MACROH2A1: variants seen among roughly 807,000 people sequenced by gnomAD.
MACROH2A1 encodes core histone macro-H2A.1.
MACROH2A1 carries 2 observed loss-of-function variants against 31.6 expected under a neutral mutation model. The observed-to-expected ratio is 0.06, with a 90% CI of 0.03 to 0.20. The LOEUF (loss-of-function observed/expected upper bound fraction) is 0.20. Ranked by LOEUF, MACROH2A1 falls within the 10% of genes least tolerant of loss-of-function variation. The pLI, the probability that MACROH2A1 is intolerant of heterozygous loss-of-function variation, is 1.00. For missense variants in MACROH2A1, 230 were observed against 474.0 expected (o/e 0.49, Z 4.78); for synonymous variants, 169 against 189.6 (o/e 0.89, Z 0.89).
Position 135,366,984 on chromosome 5 carries a change from CA to C in MACROH2A1, c.477+2421del, listed in dbSNP as rs1351767230. Among the ~76,000 whole-genome samples the C allele has an allele frequency of 2.6e-5, 4 of 152,190 alleles. No individual in the cohort carries two copies. In the South Asian group the frequency reaches 8.3e-4, roughly 32 times the overall value. On this transcript the variant is annotated intron_variant, in intron 4 of 8. Coordinates refer to ENST00000511689, the MANE Select transcript of MACROH2A1 (RefSeq NM_138610.3). ...TTGCCTTCTCCAACCATTTCCACTA[CA>C]GCTGACTCAGCTGTCACAATTGGAG...
intron 1 of MACROH2A1, among the ~76,000 whole-genome samples, chr5:135,390,875 G>A (rs1767135966): frequency 1.3e-5 from 2 of 152,190 alleles, no homozygotes; most frequent in African/African-American, 2.4e-5. Flanking sequence ...CAGAATTCTG[G>A]GCACTCTGGG....
At chr5:135,370,280 CAG>C (rs1361777179) in intron 2 of MACROH2A1, 138 bp from the exon 3 acceptor site, 50 of 579,898 alleles carry the variant, frequency 8.6e-5, no homozygotes, top group South Asian at 5.3e-4. Context: ...AAGCTGTGGG[CAG>C]AGTCACAGAG....
chr5:135,371,667 A>G (rs891876814), intron 2 of MACROH2A1, among the ~76,000 whole-genome samples: 4 of 152,140 alleles, frequency 2.6e-5, no homozygotes, highest in African/African-American at 9.7e-5. Flanking sequence ...TTTCTTAGTG[A>G]GGCATACGGA....
Position 135,358,762 on chromosome 5 carries a change from C to T in MACROH2A1, c.588+1735G>A, listed in dbSNP as rs150788060. 8.0e-4 allele frequency: 774 copies of T among 971,546 alleles called. 6 individuals are homozygous for T. In the African/African-American group the frequency reaches 0.013, roughly 16 times the overall value. The allele number at this position is 971,546 out of a possible 1,614,324, so 60.2% of individuals were successfully genotyped here. On this transcript the variant is annotated intron_variant, in intron 5 of 8. Transcript: ENST00000511689. The stretch of plus-strand genomic sequence containing the variant: ...TTTCTATGGCTTTTTGTATCCTCAC[C>T]CTACCAACTCTGAGTAGGGAACAGT...
Position 135,345,986 on chromosome 5 carries a change from G to C in MACROH2A1, c.760C>G (p.Pro254Ala), listed in dbSNP as rs1007766259. ...AVLELRKKNG[P>A]LEVAGAAVSA... is the part of the protein sequence containing the mutation. ...ACCTCACCTCCAGCTACTTCCAAGG[G>C]CCCGTTCTTTTTCCGGAGTTCCAGG... is the stretch of plus-strand genomic sequence containing the variant. The change falls in exon 7 of 9, where the codon CCC becomes GCC. Residue 254 changes from proline (P) to alanine (A), a missense_variant. By Grantham distance (27) the Pro-to-Ala change is conservative. Coordinates refer to ENST00000511689, the MANE Select transcript of MACROH2A1 (RefSeq NM_138610.3). 6.2e-7 allele frequency: 1 copy of C among 1,612,324 alleles called. No individual in the cohort carries two copies. Among genetic ancestry groups the C allele is most frequent in the Non-Finnish European group, 8.5e-7 (1 of 1,178,368 alleles).
chr5:135,373,896 C>A (rs1764510718), intron 2 of MACROH2A1, among the ~76,000 whole-genome samples: 3 of 152,158 alleles, frequency 2.0e-5, no homozygotes, highest in Admixed American at 2.0e-4. Context: ...TAAGCAAGAG[C>A]TTTATCTTCT....
intron 2 of MACROH2A1, among the ~76,000 whole-genome samples, chr5:135,375,365 G>GCCTT (rs1764721273): frequency 6.6e-6 from 1 of 152,196 alleles, no homozygotes; most frequent in Non-Finnish European, 1.5e-5. Flanking sequence ...TAACAGCATG[G>GCCTT]TTTGGCAGCC....
chr5:135,397,140 T>C (rs1768121379), intron 1 of MACROH2A1, among the ~76,000 whole-genome samples: 1 of 152,176 alleles, frequency 6.6e-6, no homozygotes, highest in African/African-American at 2.4e-5. Flanking sequence ...CTTGAGGTTT[T>C]CAGTTTATGC....
chr5:135,356,607 C>G (rs1762204543), intron 5 of MACROH2A1: 1 of 152,080 alleles, frequency 6.6e-6, no homozygotes, highest in African/African-American at 2.4e-5. Context: ...GAAATTGAGC[C>G]CTGGGCCTGG....
intron 2 of MACROH2A1, 129 bp downstream of exon 2, chr5:135,388,793 A>G: frequency 2.8e-6 from 2 of 708,120 alleles, no homozygotes; most frequent in Non-Finnish European, 4.6e-6. Flanking sequence ...TGTTCCTTGT[A>G]CTCTTCTTGT....
chr5:135,361,746 C>G (rs1762875921), intron 4 of MACROH2A1: 1 of 152,162 alleles, frequency 6.6e-6, no homozygotes, highest in Non-Finnish European at 1.5e-5. Flanking sequence ...ATCCATTTGC[C>G]TATTTAGGAT....
In MACROH2A1 at chr5:135,398,581, C is replaced by T. The variant is rs1768372414; in HGVS notation, c.-34+481G>A. 6.6e-6 allele frequency among the ~76,000 whole-genome samples: 1 copy of T among 152,202 alleles called. No homozygotes were observed. Among genetic ancestry groups the T allele is most frequent in the Non-Finnish European group, 1.5e-5 (1 of 68,018 alleles). On this transcript the variant is annotated intron_variant, in intron 1 of 8. Coordinates refer to ENST00000511689, the MANE Select transcript of MACROH2A1 (RefSeq NM_138610.3). This position sits in a 1 kb window ranked among gnomAD's most constrained non-coding sequence, Gnocchi z 4.6. ...ACACCTCGGCCCCCCGGGGCTCGGG[C>T]CCGACTTATTGTGCCGGGGCCGGCA...
chr5:135,338,823 C>T (rs1759261761), intron 8 of MACROH2A1, among the ~76,000 whole-genome samples: 1 of 152,222 alleles, frequency 6.6e-6, no homozygotes, highest in South Asian at 2.1e-4. Context: ...GCAAGAGGGA[C>T]TAAGGGCTTC....
chr5:135,365,968 G>A (rs1763451446), intron 4 of MACROH2A1, among the ~76,000 whole-genome samples: 1 of 152,240 alleles, frequency 6.6e-6, no homozygotes. Context: ...TCAAGGGTGA[G>A]ACCAGGTGGA....
rs1418013208 is a variant in MACROH2A1 at position 135,369,317 on chromosome 5, C to G, written c.477+89G>C. On this transcript the variant is annotated intron_variant, in intron 4 of 8. Transcript: ENST00000511689. The surrounding 1 kb of genome is among the most constrained non-coding windows in gnomAD (Gnocchi z 4.3). ...TATTCTCCCATCAGTGGGATGAGCCCACAGGGGGAATGAGGGGGGTGCCCT... is the reference window on the plus strand; with the variant it reads ...TATTCTCCCATCAGTGGGATGAGCCGACAGGGGGAATGAGGGGGGTGCCCT... 2.8e-5 allele frequency: 29 copies of G among 1,046,432 alleles called. No individual in the cohort carries two copies. Among genetic ancestry groups the G allele is most frequent in the Non-Finnish European group, 4.3e-5 (29 of 672,038 alleles). The allele number at this position is 1,046,432 out of a possible 1,614,324, so 64.8% of individuals were successfully genotyped here.
chr5:135,365,133 A>G (rs933936916), intron 4 of MACROH2A1, among the ~76,000 whole-genome samples: 4 of 152,356 alleles, frequency 2.6e-5, no homozygotes, highest in Admixed American at 6.5e-5. Context: ...CCTGAGGGAC[A>G]AAATTAGGCA....
At position 135,398,727 on chromosome 5, in the gene MACROH2A1, G is replaced by A. The variant is rs1768410422; in HGVS notation, c.-34+335C>T. On this transcript the variant is annotated intron_variant, in intron 1 of 8. Transcript: ENST00000511689. The surrounding 1 kb of genome is among the most constrained non-coding windows in gnomAD (Gnocchi z 4.6). ...TCCTGCGGCCTCGGGCCTGGCCCGT[G>A]AGCCCGCCCCAGGAAGGGTCGCCAG... Among the ~76,000 whole-genome samples, 1 of 152,316 alleles carries A rather than the reference G, an allele frequency of 6.6e-6. No homozygotes were observed. The highest frequency in any genetic ancestry group is 1.9e-4 in the East Asian group (1 of 5,150).
At chr5:135,345,872 G>T in intron 7 of MACROH2A1, 96 bp downstream of exon 7, 1 of 814,728 alleles carries the variant, frequency 1.2e-6, no homozygotes. Context: ...CGGCTGTGCT[G>T]CCACACACCT....
intron 6 of MACROH2A1, among the ~76,000 whole-genome samples, chr5:135,351,880 A>T (rs1761621948): frequency 6.6e-6 from 1 of 151,648 alleles, no homozygotes; most frequent in South Asian, 2.1e-4. Flanking sequence ...TTTAGTATAA[A>T]ATGTGCTTTG....
Sources: allele counts gnomAD v4.1 joint callset (sites outside exome capture counted in the v4.1 genomes callset), GRCh38; gene constraint gnomAD v4.1.1; non-coding constraint Gnocchi (gnomAD v3.1); transcripts MANE v1.5; gene names NCBI Gene and HGNC (gene_info 2026-07-23, HGNC 2026-07-21).